The following CELF2 variants were observed in gnomAD, a reference collection of about 807,000 sequenced individuals.
CELF2 encodes CUGBP Elav-like family member 2, also known as CUG triplet repeat RNA-binding protein 2.
A neutral mutation model predicts 62.6 loss-of-function variants in CELF2; 8 were observed. The ratio of observed to expected loss-of-function variants is 0.13; its 90% confidence interval spans 0.07 to 0.23. CELF2 has a LOEUF of 0.23. Ranked by LOEUF, CELF2 falls within the 10% of genes least tolerant of loss-of-function variation. The pLI, the probability that CELF2 is intolerant of heterozygous loss-of-function variation, is 1.00. For missense variants in CELF2, 333 were observed against 671.0 expected, an observed-to-expected ratio of 0.50 and a Z score of 5.56; for synonymous variants, 258 against 250.0, an observed-to-expected ratio of 1.03 and a Z score of -0.30.
intron 4 of CELF2, among the ~76,000 whole-genome samples, chr10:11,252,198 G>C (rs1435908808): frequency 6.6e-6 from 1 of 152,194 alleles, no homozygotes; most frequent in Admixed American, 6.5e-5. Context: ...AGTGATAAAA[G>C]CCACAAGCCT....
chr10:10,988,824 G>A (rs2053118574), intron 2 of CELF2, among the ~76,000 whole-genome samples: 2 of 152,050 alleles, frequency 1.3e-5, no homozygotes, highest in Non-Finnish European at 2.9e-5. Flanking sequence ...CATCATTCAC[G>A]AAATAATGTA....
chr10:10,700,908 TA>T, the CELF2 span, among the ~76,000 whole-genome samples: 1 of 152,328 alleles, frequency 6.6e-6, no homozygotes, highest in East Asian at 1.9e-4. Context: ...CATAAGAGTT[TA>T]AGGGAGATTG....
chr10:11,004,310 T>C (rs938618518), upstream of CELF2, among the ~76,000 whole-genome samples: 1 of 152,296 alleles, frequency 6.6e-6, no homozygotes, highest in African/African-American at 2.4e-5. The surrounding 1 kb of genome is among the most constrained non-coding windows in gnomAD (Gnocchi z 5.0). Flanking sequence ...GCTGAGCGCA[T>C]TCTTGGCTTC....
intron 9 of CELF2, among the ~76,000 whole-genome samples, chr10:11,301,747 C>T (rs1025488708): frequency 6.6e-6 from 1 of 151,608 alleles, no homozygotes; most frequent in African/African-American, 2.4e-5. Flanking sequence ...TTTACCCACT[C>T]TGTTTCTGAA....
Position 11,165,752 on chromosome 10 carries a change from C to T in CELF2, c.271+70C>T. The T allele has an allele frequency of 5.6e-6, 8 of 1,420,442 alleles. No individual in the cohort carries two copies. The highest frequency in any genetic ancestry group is 4.3e-5 in the African/African-American group (3 of 69,786). The allele number at this position is 1,420,442 out of a possible 1,614,324, so 88.0% of individuals were successfully genotyped here. A position where few individuals can be genotyped will look rare whatever the true frequency, so the allele number is the denominator to read the frequency against. On this transcript the variant is annotated intron_variant, in intron 2 of 12. Transcript: ENST00000633077. This position sits in a 1 kb window ranked among gnomAD's most constrained non-coding sequence, Gnocchi z 7.4. ...CGCGGGGCACTGGGGCTGTCCGAGC[C>T]CCCAGCCTGCAGGAGGAAGGGCGGG...
In CELF2 at chr10:10,954,812, T is replaced by G. The variant is rs117115855; in HGVS notation, c.89+34813T>G. 9.9e-3 allele frequency among the ~76,000 whole-genome samples: 1,505 copies of G among 152,314 alleles called. 19 individuals are homozygous for G. Among genetic ancestry groups the G allele is most frequent in the South Asian group, 0.04 (194 of 4,822 alleles). On this transcript the variant is annotated intron_variant, in intron 2 of 13. Coordinates refer to the CELF2 transcript ENST00000636488. ...ATGTTCTTTACTGATTTGAAAACAT[T>G]CCATAAGACATATGATTGAGTTTTT...
At chr10:10,571,084 C>T in the CELF2 span, among the ~76,000 whole-genome samples, 1 of 151,918 alleles carries the variant, frequency 6.6e-6, no homozygotes, top group Non-Finnish European at 1.5e-5. Context: ...ATTACATAAC[C>T]GTCGGCCTTT....
At chr10:11,037,340 A>G (rs752716196) in intron 1 of CELF2, among the ~76,000 whole-genome samples, 2 of 152,208 alleles carry the variant, frequency 1.3e-5, no homozygotes, top group Non-Finnish European at 2.9e-5. Flanking sequence ...GGTCCCTCCC[A>G]TGACATGTGG....
At chr10:11,059,461 C>T (rs920100953) in intron 1 of CELF2, among the ~76,000 whole-genome samples, 16 of 152,088 alleles carry the variant, frequency 1.1e-4, no homozygotes, top group African/African-American at 3.9e-4. Flanking sequence ...CTTTTCTCAC[C>T]ATGAGGAAAG....
intron 1 of CELF2, among the ~76,000 whole-genome samples, chr10:10,824,750 C>G (rs1393245646): frequency 6.6e-6 from 1 of 152,192 alleles, no homozygotes; most frequent in African/African-American, 2.4e-5. Flanking sequence ...CTCAGATATG[C>G]GCTTGCACAT....
In CELF2 at chr10:11,324,804, C is replaced by G. The variant is rs2095636436; in HGVS notation, c.1295-1032C>G. Among the ~76,000 whole-genome samples, 1 of 152,190 alleles carries G rather than the reference C, an allele frequency of 6.6e-6. No homozygotes were observed. Among genetic ancestry groups the G allele is most frequent in the Non-Finnish European group, 1.5e-5 (1 of 68,030 alleles). ...CTAGGGACCCCAGTGCAGCTATCCCCTGGGGTTGCCTAGTTGGGCAGGCAG... is the reference window on the plus strand; with the variant it reads ...CTAGGGACCCCAGTGCAGCTATCCCGTGGGGTTGCCTAGTTGGGCAGGCAG... On this transcript the variant is annotated intron_variant, in intron 11 of 12. Transcript: ENST00000633077. This position sits in a 1 kb window ranked among gnomAD's most constrained non-coding sequence, Gnocchi z 4.7.
At chr10:11,228,318 T>C (rs1160350850) in intron 3 of CELF2, among the ~76,000 whole-genome samples, 1 of 152,248 alleles carries the variant, frequency 6.6e-6, no homozygotes, top group Non-Finnish European at 1.5e-5. Flanking sequence ...ACTTTATATA[T>C]ACTTGATCTC....
At chr10:10,559,656 C>G in the CELF2 span, among the ~76,000 whole-genome samples, 1 of 152,136 alleles carries the variant, frequency 6.6e-6, no homozygotes, top group Non-Finnish European at 1.5e-5. Flanking sequence ...TTGGAAAGGG[C>G]CTTCTTAACC....
chr10:10,573,867 C>T, the CELF2 span, among the ~76,000 whole-genome samples: 53 of 152,124 alleles, frequency 3.5e-4, no homozygotes, highest in East Asian at 9.5e-3. Context: ...AACTATAAGA[C>T]CAAGCCCCTA....
At chr10:11,166,369 A>G (rs956667040) in intron 2 of CELF2, among the ~76,000 whole-genome samples, 18 of 152,170 alleles carry the variant, frequency 1.2e-4, no homozygotes, top group African/African-American at 4.3e-4. Context: ...CCTCCATTTT[A>G]AGATGACGGT....
chr10:10,530,208 C>T, the CELF2 span, among the ~76,000 whole-genome samples: 2 of 152,132 alleles, frequency 1.3e-5, no homozygotes, highest in Admixed American at 6.6e-5. Flanking sequence ...CAGAGTAGGA[C>T]GTTCCCAAAA....
At chr10:11,107,233 A>G (rs2142984976) in intron 1 of CELF2, among the ~76,000 whole-genome samples, 1 of 152,242 alleles carries the variant, frequency 6.6e-6, no homozygotes, top group East Asian at 1.9e-4. Context: ...GGTTTTGGGA[A>G]GGGGGCTGGG....
chr10:11,206,886 A>T (rs1446768051), intron 2 of CELF2, among the ~76,000 whole-genome samples: 1 of 152,190 alleles, frequency 6.6e-6, no homozygotes, highest in Non-Finnish European at 1.5e-5. Context: ...GGGCCTGGAC[A>T]AATGCACACG....
At chr10:10,829,958 C>A (rs1307992460) in intron 1 of CELF2, among the ~76,000 whole-genome samples, 1 of 152,164 alleles carries the variant, frequency 6.6e-6, no homozygotes, top group Non-Finnish European at 1.5e-5. Context: ...CAGGCAGTAG[C>A]AACCTGTAAC....
Sources: gnomAD v4.1 joint callset for allele counts (sites outside exome capture counted in the v4.1 genomes callset) on GRCh38, gnomAD v4.1.1 for gene constraint, Gnocchi (gnomAD v3.1) non-coding constraint, MANE v1.5 for transcripts, NCBI Gene and HGNC (gene_info 2026-07-23, HGNC 2026-07-21) for gene names.